KBTBD11: variants seen among roughly 807,000 people sequenced by gnomAD.
KBTBD11 encodes kelch repeat and BTB domain-containing protein 11.
For missense variants in KBTBD11, 1,390 were observed against 1,001.8 expected (o/e 1.39, Z -5.23); for synonymous variants, 747 against 499.0 (o/e 1.50, Z -6.63).
chr8:2,004,788 G>A lies in KBTBD11; in HGVS notation c.*1724G>A, dbSNP rs755374030. 2 of 167,000 alleles carry A rather than the reference G, an allele frequency of 1.2e-5. No individual in the cohort carries two copies. Among genetic ancestry groups the A allele is most frequent in the African/African-American group, 4.8e-5 (2 of 41,430 alleles). The allele number at this position is 167,000 out of a possible 1,614,324, so 10.3% of individuals were successfully genotyped here. The stretch of plus-strand genomic sequence containing the variant: ...CGCCTGACTTGATTGGCCTTTTATA[G>A]GAGTATACTGGAGAAATGGTTGTAG... On this transcript the variant is annotated 3_prime_UTR_variant, in exon 2 of 2. Transcript: ENST00000320248.
Position 1,987,748 on chromosome 8 carries a change from T to TATA in KBTBD11, c.-908-12536_-908-12534dup, listed in dbSNP as rs529861499. ...CCTTTATTATTATTATTATTATTAT[T>TATA]ATACTTTAAGTTCTAGGGTACATGT... On this transcript the variant is annotated intron_variant, in intron 1 of 1. Transcript: ENST00000320248. Among the ~76,000 whole-genome samples the TATA allele has an allele frequency of 4.6e-5, 7 of 151,758 alleles. 1 individual carries two copies. Among genetic ancestry groups the TATA allele is most frequent in the African/African-American group, 1.7e-4 (7 of 41,256 alleles).
At position 2,000,971 on chromosome 8, in the gene KBTBD11, C is replaced by G. The variant is rs116649895; in HGVS notation, c.-222C>G. Reference sequence around the variant, plus strand: ...GAAGTTCAGCAAGTCGGACACACCCCTCCTCGCTGGAGAGGAGAGGGCAAA... The same window carrying G: ...GAAGTTCAGCAAGTCGGACACACCCGTCCTCGCTGGAGAGGAGAGGGCAAA... On this transcript the variant is annotated 5_prime_UTR_variant, in exon 2 of 2. Coordinates refer to ENST00000320248, the MANE Select transcript of KBTBD11 (RefSeq NM_014867.3). 2,418 of 480,278 alleles carry G rather than the reference C, an allele frequency of 5.0e-3. 58 individuals are homozygous for G. The highest frequency in any genetic ancestry group is 0.044 in the African/African-American group (2,200 of 50,042). 29.8% of individuals were successfully genotyped at this position (480,278 alleles called of 1,614,324 possible).
At chr8:1,997,178 G>C (rs1256833520) in intron 1 of KBTBD11, among the ~76,000 whole-genome samples, 1 of 152,062 alleles carries the variant, frequency 6.6e-6, no homozygotes, top group African/African-American at 2.4e-5. Flanking sequence ...CAGTAACAAG[G>C]ATGGACGCTC....
intron 1 of KBTBD11, among the ~76,000 whole-genome samples, chr8:1,993,067 G>A (rs1190023777): frequency 1.3e-5 from 2 of 151,972 alleles, no homozygotes; most frequent in Non-Finnish European, 2.9e-5. Context: ...AGCTTCCCGC[G>A]TAGCTAGGGC....
Position 2,001,689 on chromosome 8 carries a change from G to A in KBTBD11, c.497G>A (p.Arg166His). The A allele has an allele frequency of 7.0e-7, 1 of 1,426,328 alleles. No homozygotes were observed. Among genetic ancestry groups the A allele is most frequent in the Non-Finnish European group, 9.1e-7 (1 of 1,093,876 alleles). The allele number at this position is 1,426,328 out of a possible 1,614,324, so 88.4% of individuals were successfully genotyped here. A position where few individuals can be genotyped will look rare whatever the true frequency, so the allele number is the denominator to read the frequency against. Residue 166 changes from arginine (R) to histidine (H), a missense_variant, in exon 2 of 2, where the codon CGC (arginine) becomes CAC (histidine). Physicochemically the swap from Arg to His is conservative, Grantham distance 29 (BLOSUM62 0). Coordinates refer to ENST00000320248, the MANE Select transcript of KBTBD11 (RefSeq NM_014867.3). ...CTGGCGGCGCGCAGCGACTACTTCC[G>A]CGCGCGCGCGTCGCGGGACGTGCTG... ...AVLAARSDYFRARASRDVLRV... is the reference protein window; with the variant it reads ...AVLAARSDYFHARASRDVLRV...
Position 1,995,954 on chromosome 8 carries a change from G to A in KBTBD11, c.-908-4331G>A, listed in dbSNP as rs1323431640. Among the ~76,000 whole-genome samples the A allele has an allele frequency of 5.3e-5, 8 of 152,306 alleles. No individual in the cohort carries two copies. The Middle Eastern group carries it at 0.01, about 194-fold the overall frequency. ...GTGGGAGGATCTCTTGAGCCCAGGA[G>A]TTGAAGCTGCAGTGAGCCATGCTTG... is the stretch of plus-strand genomic sequence containing the variant. On this transcript the variant is annotated intron_variant, in intron 1 of 1. Transcript: ENST00000320248.
At chr8:1,993,960 A>ACACACACACACACAC (rs1817037341) in intron 1 of KBTBD11, among the ~76,000 whole-genome samples, 2 of 71,742 alleles carry the variant, frequency 2.8e-5, no homozygotes, top group Non-Finnish European at 7.2e-5. Flanking sequence ...CACACACACA[A>ACACACACACACACAC]AACCCCATAG....
Position 1,973,762 on chromosome 8 carries a change from C to T in KBTBD11, c.-1082C>T, listed in dbSNP as rs1816202834. 3 of 983,718 alleles carry T rather than the reference C, an allele frequency of 3.0e-6. No individual in the cohort carries two copies. Among genetic ancestry groups the T allele is most frequent in the South Asian group, 4.7e-5 (1 of 21,278 alleles). 60.9% of individuals were successfully genotyped at this position (983,718 alleles called of 1,614,324 possible). On this transcript the variant is annotated 5_prime_UTR_variant, in exon 1 of 2. Coordinates refer to ENST00000320248, the MANE Select transcript of KBTBD11 (RefSeq NM_014867.3). Reference sequence around the variant, plus strand: ...AGGCGGAGAGGCCTGTCCACCGCCCCCTCTGCCGCCCACGCCCCGCTGCGG... The same window carrying T: ...AGGCGGAGAGGCCTGTCCACCGCCCTCTCTGCCGCCCACGCCCCGCTGCGG...
Position 2,002,299 on chromosome 8 carries a change from C to T in KBTBD11, c.1107C>T (p.Pro369=). 1.5e-6 allele frequency: 2 copies of T among 1,339,800 alleles called. 1 individual carries two copies. Among genetic ancestry groups the T allele is most frequent in the Non-Finnish European group, 1.9e-6 (2 of 1,054,914 alleles). 83.0% of individuals were successfully genotyped at this position (1,339,800 alleles called of 1,614,324 possible). ...NYLFVAGGVA[P]AGPDGRARPS... ...TCTTCGTGGCGGGCGGCGTGGCGCC[C>T]GCGGGCCCCGACGGCCGCGCGCGCC... Residue 369 remains proline (P), a synonymous_variant, in exon 2 of 2, where the codon CCC becomes CCT. Transcript: ENST00000320248. This position sits in a 1 kb window ranked among gnomAD's most constrained non-coding sequence, Gnocchi z 4.1.
At chr8:1,984,758 A>G (rs1313452010) in intron 1 of KBTBD11, among the ~76,000 whole-genome samples, 3 of 152,172 alleles carry the variant, frequency 2.0e-5, no homozygotes. Flanking sequence ...AACTGTGATT[A>G]GTTTAGTGGC....
At chr8:1,985,208 T>C (rs1336671049) in intron 1 of KBTBD11, among the ~76,000 whole-genome samples, 10 of 152,238 alleles carry the variant, frequency 6.6e-5, no homozygotes, top group Admixed American at 3.3e-4. Flanking sequence ...GGCAGAGCTC[T>C]TACAGGAGAG....
At chr8:1,986,241 A>AT (rs1816703434) in intron 1 of KBTBD11, among the ~76,000 whole-genome samples, 1 of 152,166 alleles carries the variant, frequency 6.6e-6, no homozygotes, top group South Asian at 2.1e-4. Context: ...ACAAAGTCTG[A>AT]GTGGCAAGTA....
Position 2,000,396 on chromosome 8 carries a change from TCTC to T in KBTBD11, c.-794_-792del, listed in dbSNP as rs1402325327. On this transcript the variant is annotated 5_prime_UTR_variant, in exon 2 of 2. Coordinates refer to ENST00000320248, the MANE Select transcript of KBTBD11 (RefSeq NM_014867.3). ...GACAGCCTCCAGGAGCACAGCGGCT[TCTC>T]CTAACATCCCCCTGGCAGTGAATTA... 1 of 152,132 alleles carries T rather than the reference TCTC, an allele frequency of 6.6e-6. No individual in the cohort carries two copies. Among genetic ancestry groups the T allele is most frequent in the Non-Finnish European group, 1.5e-5 (1 of 68,046 alleles). 9.4% of individuals were successfully genotyped at this position (152,132 alleles called of 1,614,324 possible).
Position 2,001,408 on chromosome 8 carries a change from G to A in KBTBD11, c.216G>A (p.Arg72=). ...CCCCGCCCTCCAGCGGTGGCCCGCG[G>A]GTGGTGGAGCGGCAGTGGGAGGCCG... ...ATSPPSSGGP[R]VVERQWEAGS... The change falls in exon 2 of 2, where the codon CGG becomes CGA. Residue 72 remains arginine, a synonymous_variant. Transcript: ENST00000320248. 7.1e-7 allele frequency: 1 copy of A among 1,402,272 alleles called. No individual in the cohort carries two copies. The highest frequency in any genetic ancestry group is 9.2e-7 in the Non-Finnish European group (1 of 1,082,646). The allele number at this position is 1,402,272 out of a possible 1,614,324, so 86.9% of individuals were successfully genotyped here. A position where few individuals can be genotyped will look rare whatever the true frequency, so the allele number is the denominator to read the frequency against.
At position 1,977,694 on chromosome 8, in the gene KBTBD11, ATTTAT is replaced by A. The variant is rs1480933347; in HGVS notation, c.-909+3763_-909+3767del. On this transcript the variant is annotated intron_variant, in intron 1 of 1. Coordinates refer to ENST00000320248, the MANE Select transcript of KBTBD11 (RefSeq NM_014867.3). ...GCCCTCCAGCACACCCAACTTATTT[ATTTAT>A]TTTTTTTTGTAGTTTTAGTAGAGAT... Among the ~76,000 whole-genome samples, 11 of 49,248 alleles carry A rather than the reference ATTTAT, an allele frequency of 2.2e-4. No individual in the cohort carries two copies. The East Asian group carries it at 5.0e-3, about 22-fold the overall frequency. The allele number at this position is 49,248 out of a possible 152,430, so 32.3% of individuals were successfully genotyped here. A position where few individuals can be genotyped will look rare whatever the true frequency, so the allele number is the denominator to read the frequency against.
At chr8:1,982,405 C>T (rs1816567356) in intron 1 of KBTBD11, among the ~76,000 whole-genome samples, 2 of 152,156 alleles carry the variant, frequency 1.3e-5, no homozygotes, top group South Asian at 4.1e-4. Flanking sequence ...TCTTACCTAT[C>T]ATAATTACCT....
chr8:1,997,137 G>A lies in KBTBD11; in HGVS notation c.-908-3148G>A, dbSNP rs1166787546. ...GGGAAAAAATCCTTCCAAACCCTCCGGCGGGGGGTGGGCGAGTTTCAGTAA... is the reference window on the plus strand; with the variant it reads ...GGGAAAAAATCCTTCCAAACCCTCCAGCGGGGGGTGGGCGAGTTTCAGTAA... On this transcript the variant is annotated intron_variant, in intron 1 of 1. Coordinates refer to ENST00000320248, the MANE Select transcript of KBTBD11 (RefSeq NM_014867.3). Among the ~76,000 whole-genome samples, 8 of 152,076 alleles carry A rather than the reference G, an allele frequency of 5.3e-5. No individual in the cohort carries two copies. The East Asian group carries it at 5.8e-4, about 11-fold the overall frequency.
In KBTBD11 at chr8:1,983,251, C is replaced by G. The variant is rs574565284; in HGVS notation, c.-909+9316C>G. Reference sequence around the variant, plus strand: ...GAATCCTGCCGCCTCTGCTGCCACCCTGTGTGCACCCCCATGCTCCAAAAA... The same window carrying G: ...GAATCCTGCCGCCTCTGCTGCCACCGTGTGTGCACCCCCATGCTCCAAAAA... On this transcript the variant is annotated intron_variant, in intron 1 of 1. Coordinates refer to ENST00000320248, the MANE Select transcript of KBTBD11 (RefSeq NM_014867.3). 1.4e-3 allele frequency among the ~76,000 whole-genome samples: 208 copies of G among 152,228 alleles called. 2 individuals are homozygous for G. The highest frequency in any genetic ancestry group is 6.5e-4 in the Non-Finnish European group (44 of 68,038).
chr8:1,976,153 G>C (rs944292701), intron 1 of KBTBD11: 1 of 152,198 alleles, frequency 6.6e-6, no homozygotes, highest in African/African-American at 2.4e-5. Context: ...GGCTTGAGAA[G>C]GGCCCGGAGA....
Sources: gnomAD v4.1 joint callset for allele counts (sites outside exome capture counted in the v4.1 genomes callset) on GRCh38, gnomAD v4.1.1 for gene constraint, Gnocchi (gnomAD v3.1) non-coding constraint, MANE v1.5 for transcripts, NCBI Gene and HGNC (gene_info 2026-07-23, HGNC 2026-07-21) for gene names.